The following AMPH variants were observed in gnomAD, a reference collection of about 807,000 sequenced individuals.
AMPH encodes amphiphysin.
AMPH carries 49 observed loss-of-function variants against 99.1 expected under a neutral mutation model. The observed-to-expected ratio is 0.49, with a 90% CI of 0.39 to 0.63. The LOEUF (loss-of-function observed/expected upper bound fraction) is 0.63, where lower values mean the gene tolerates loss of function less well. Among genes scored for constraint, AMPH ranks in the 20% least tolerant of loss-of-function variants. AMPH has a pLI of 0.00. For synonymous variants in AMPH, 314 were observed against 317.3 expected, an observed-to-expected ratio of 0.99 and a Z score of 0.11; for missense variants, 759 against 863.4, an observed-to-expected ratio of 0.88 and a Z score of 1.52.
At chr7:38,554,391 AT>A (rs56891934) in intron 1 of AMPH, among the ~76,000 whole-genome samples, 5,203 of 152,300 alleles carry the variant, frequency 0.034, 102 homozygotes, top group African/African-American at 0.045. Flanking sequence ...TCACAATGTG[AT>A]TTAGCCTTTC....
intron 2 of AMPH, among the ~76,000 whole-genome samples, chr7:38,534,151 T>C (rs966226124): frequency 7.2e-5 from 11 of 152,158 alleles, no homozygotes; most frequent in Admixed American, 6.5e-4. Context: ...ATCTAAGATA[T>C]GTTTATCTAT....
At chr7:38,552,518 C>T (rs1261580121) in intron 1 of AMPH, among the ~76,000 whole-genome samples, 1 of 152,218 alleles carries the variant, frequency 6.6e-6, no homozygotes, top group East Asian at 1.9e-4. Flanking sequence ...CAAGCTCTAT[C>T]ACCTGGAATA....
intron 2 of AMPH, among the ~76,000 whole-genome samples, chr7:38,533,955 C>T (rs1359760332): frequency 2.6e-5 from 4 of 152,138 alleles, no homozygotes; most frequent in Non-Finnish European, 5.9e-5. Flanking sequence ...GAGATCAAGA[C>T]ATAGTTTAAA....
intron 1 of AMPH, among the ~76,000 whole-genome samples, chr7:38,608,793 C>T (rs1314628340): frequency 6.6e-6 from 1 of 152,152 alleles, no homozygotes; most frequent in Admixed American, 6.5e-5. Flanking sequence ...CATCAGCAAT[C>T]GAAATTATGC....
intron 1 of AMPH, among the ~76,000 whole-genome samples, chr7:38,550,156 T>C (rs1487786974): frequency 2.0e-5 from 3 of 152,258 alleles, no homozygotes; most frequent in Non-Finnish European, 4.4e-5. Flanking sequence ...TGATTCTTTA[T>C]TGGATGAAAT....
intron 2 of AMPH, among the ~76,000 whole-genome samples, chr7:38,521,851 C>T (rs1789976811): frequency 6.6e-6 from 1 of 152,138 alleles, no homozygotes; most frequent in African/African-American, 2.4e-5. Context: ...ATCTATGTAT[C>T]TGAGACCAGG....
intron 13 of AMPH, among the ~76,000 whole-genome samples, chr7:38,430,963 C>T (rs553966546): frequency 2.6e-5 from 4 of 152,134 alleles, no homozygotes; most frequent in East Asian, 1.9e-4. Context: ...CTAGATCTAT[C>T]GAACTTTCCT....
intron 11 of AMPH, among the ~76,000 whole-genome samples, chr7:38,441,819 C>CATATATCTATCATATCTATCAT (rs1786546809): frequency 1.4e-5 from 1 of 70,666 alleles, no homozygotes; most frequent in African/African-American, 5.2e-5. Flanking sequence ...TCATATATAT[C>CATATATCTATCATATCTATCAT]ATATATCATA....
intron 15 of AMPH, among the ~76,000 whole-genome samples, chr7:38,426,468 T>G (rs184259466): frequency 6.6e-6 from 1 of 152,316 alleles, no homozygotes; most frequent in Non-Finnish European, 1.5e-5. Context: ...GCTGAAGAGG[T>G]AAGGCTCTGT....
At chr7:38,562,045 G>A (rs1408415248) in intron 1 of AMPH, among the ~76,000 whole-genome samples, 2 of 151,548 alleles carry the variant, frequency 1.3e-5, no homozygotes, top group Non-Finnish European at 2.9e-5. Flanking sequence ...TTCAGATGAG[G>A]GCCAAGTAGA....
intron 2 of AMPH, among the ~76,000 whole-genome samples, chr7:38,520,143 A>T (rs1789899301): frequency 6.6e-6 from 1 of 152,166 alleles, no homozygotes; most frequent in South Asian, 2.1e-4. Flanking sequence ...GTTTAACTAT[A>T]TCTATAAAAC....
intron 5 of AMPH, among the ~76,000 whole-genome samples, chr7:38,481,395 T>C (rs374417327): frequency 4.1e-4 from 62 of 152,272 alleles, no homozygotes; most frequent in African/African-American, 1.4e-3. Context: ...ACCTCTATAG[T>C]TAAAAAATAA....
chr7:38,441,801 T>TATATC (rs1308889635), intron 11 of AMPH, among the ~76,000 whole-genome samples: 3 of 49,474 alleles, frequency 6.1e-5, no homozygotes, highest in African/African-American at 1.9e-4. Context: ...ATATATATCA[T>TATATC]ATATATATCA....
At chr7:38,444,370 T>C (rs755454215) in intron 11 of AMPH, among the ~76,000 whole-genome samples, 5 of 152,132 alleles carry the variant, frequency 3.3e-5, no homozygotes, top group South Asian at 2.1e-4. Flanking sequence ...TCTGAACCAA[T>C]GTAATAAAAT....
At chr7:38,537,936 C>T (rs1266203005) in intron 1 of AMPH, among the ~76,000 whole-genome samples, 1 of 152,108 alleles carries the variant, frequency 6.6e-6, no homozygotes, top group Non-Finnish European at 1.5e-5. Context: ...AGAAAAGACC[C>T]AAGGAAAAGA....
At chr7:38,536,856 G>A (rs1747959756) in intron 1 of AMPH, among the ~76,000 whole-genome samples, 1 of 151,920 alleles carries the variant, frequency 6.6e-6, no homozygotes, top group African/African-American at 2.4e-5. Flanking sequence ...GAAGAATAGG[G>A]CATTATAACT....
At chr7:38,627,298 C>T (rs1250925290) in intron 1 of AMPH, among the ~76,000 whole-genome samples, 1 of 150,750 alleles carries the variant, frequency 6.6e-6, no homozygotes, top group African/African-American at 2.5e-5. Context: ...AATCCCAGCA[C>T]TTTGGGAGGC....
At chr7:38,451,737 A>T (rs956190158) in intron 11 of AMPH, among the ~76,000 whole-genome samples, 17 of 152,162 alleles carry the variant, frequency 1.1e-4, no homozygotes, top group Admixed American at 5.2e-4. Flanking sequence ...TAATGATACT[A>T]GTTTTCCTCA....
At chr7:38,601,580 C>T (rs1189838232) in intron 1 of AMPH, among the ~76,000 whole-genome samples, 2 of 152,120 alleles carry the variant, frequency 1.3e-5, no homozygotes, top group African/African-American at 2.4e-5. Flanking sequence ...TTCTTTCAAG[C>T]CCTCCCAGTA....
Sources: allele counts gnomAD v4.1 joint callset (sites outside exome capture counted in the v4.1 genomes callset), GRCh38; gene constraint gnomAD v4.1.1; transcripts MANE v1.5; gene names NCBI Gene and HGNC (gene_info 2026-07-23, HGNC 2026-07-21).